Variants in SFMBT2 observed in about 807,000 individuals in gnomAD.
SFMBT2 encodes Scm like with four mbt domains 2.
SFMBT2 carries 38 observed loss-of-function variants against 110.1 expected under a neutral mutation model. The ratio of observed to expected loss-of-function variants is 0.35; its 90% CI spans 0.27 to 0.45. SFMBT2 has a LOEUF of 0.45. Ranked by LOEUF, SFMBT2 falls within the 20% of genes least tolerant of loss-of-function variation. The pLI is 1.00. For synonymous variants in SFMBT2, 425 were observed against 425.4 expected, an observed-to-expected ratio of 1.00 and a Z score of 0.01; for missense variants, 1,011 against 1,094.9, an observed-to-expected ratio of 0.92 and a Z score of 1.08.
chr10:7,405,225 T>A (rs190087663), intron 1 of SFMBT2, among the ~76,000 whole-genome samples: 1 of 152,320 alleles, frequency 6.6e-6, no homozygotes, highest in East Asian at 1.9e-4. Flanking sequence ...CATGGACCCA[T>A]GAGGTCCAAG....
At chr10:7,268,908 C>G (rs1841481084) in intron 7 of SFMBT2, among the ~76,000 whole-genome samples, 1 of 152,188 alleles carries the variant, frequency 6.6e-6, no homozygotes, top group Admixed American at 6.5e-5. Context: ...GATGCAGAGA[C>G]ATCTGCTCTA....
intron 15 of SFMBT2, among the ~76,000 whole-genome samples, chr10:7,195,674 C>T (rs1001512217): frequency 6.6e-6 from 1 of 152,160 alleles, no homozygotes; most frequent in African/African-American, 2.4e-5. Context: ...ACCCCAGATG[C>T]CCCAGCCTTG....
At chr10:7,385,567 G>A (rs952666372) in intron 1 of SFMBT2, among the ~76,000 whole-genome samples, 3 of 152,118 alleles carry the variant, frequency 2.0e-5, no homozygotes, top group Non-Finnish European at 4.4e-5. Flanking sequence ...GGCATATGAC[G>A]GAGCCCCAAA....
intron 10 of SFMBT2, among the ~76,000 whole-genome samples, chr10:7,223,230 A>G (rs1437818954): frequency 6.6e-6 from 1 of 152,234 alleles, no homozygotes; most frequent in Non-Finnish European, 1.5e-5. Context: ...AAGTTGCTAC[A>G]GCATTTTGCA....
At position 7,172,300 on chromosome 10, in the gene SFMBT2, G is replaced by A. The variant is rs184949625; in HGVS notation, c.2152-142C>T. The A allele has an allele frequency of 9.6e-6, 14 of 1,452,892 alleles. No individual in the cohort carries two copies. Among genetic ancestry groups the A allele is most frequent in the East Asian group, 4.9e-5 (2 of 40,598 alleles). The allele number at this position is 1,452,892 out of a possible 1,614,324, so 90.0% of individuals were successfully genotyped here. ...CAGTGGTCCCACCCGTGGGCCCTAC[G>A]AGGCCCTTCCCAGCCAAAGCAGCTG... On this transcript the variant is annotated intron_variant, in intron 18 of 20. Transcript: ENST00000397167. The surrounding 1 kb of genome is among the most constrained non-coding windows in gnomAD (Gnocchi z 4.6).
At chr10:7,282,051 G>T (rs1026472835) in intron 6 of SFMBT2, among the ~76,000 whole-genome samples, 16 of 151,896 alleles carry the variant, frequency 1.1e-4, no homozygotes, top group Non-Finnish European at 2.1e-4. Flanking sequence ...TCACCATATT[G>T]CCCCAGCTGG....
chr10:7,347,275 T>C (rs961404575), intron 4 of SFMBT2, among the ~76,000 whole-genome samples: 20 of 152,216 alleles, frequency 1.3e-4, no homozygotes, highest in African/African-American at 4.6e-4. Context: ...TCTTTCTTGC[T>C]GGGCAACCTG....
chr10:7,178,307 C>G (rs952514183), intron 16 of SFMBT2, among the ~76,000 whole-genome samples: 43 of 152,278 alleles, frequency 2.8e-4, no homozygotes, highest in African/African-American at 7.7e-4. Flanking sequence ...GAGGAAACAC[C>G]AATCTAGATG....
At position 7,293,266 on chromosome 10, in the gene SFMBT2, T is replaced by C. The variant is rs1361796301; in HGVS notation, c.437-7312A>G. Among the ~76,000 whole-genome samples the C allele has an allele frequency of 6.6e-6, 1 of 152,048 alleles. No homozygotes were observed. Among genetic ancestry groups the C allele is most frequent in the Non-Finnish European group, 1.5e-5 (1 of 68,004 alleles). ...GGCACGCCCTACCACATCCAGCTAATTTTTGTATTTTTAGAAGACACCGGG... is the reference window on the plus strand; with the variant it reads ...GGCACGCCCTACCACATCCAGCTAACTTTTGTATTTTTAGAAGACACCGGG... On this transcript the variant is annotated intron_variant, in intron 4 of 20. Transcript: ENST00000397167. This position sits in a 1 kb window ranked among gnomAD's most constrained non-coding sequence, Gnocchi z 4.6.
chr10:7,182,213 T>G (rs1838264508), intron 16 of SFMBT2, among the ~76,000 whole-genome samples: 1 of 152,146 alleles, frequency 6.6e-6, no homozygotes, highest in African/African-American at 2.4e-5. Flanking sequence ...AATTTTTGTA[T>G]TTTTAGTAGA....
chr10:7,269,827 CT>C (rs5782963), intron 7 of SFMBT2, among the ~76,000 whole-genome samples: 91,109 of 136,352 alleles, frequency 0.67, 28,596 homozygotes, highest in East Asian at 0.84. Flanking sequence ...GAAGATTTCT[CT>C]TTTTTTTTTT....
chr10:7,359,789 T>C (rs530627327), intron 4 of SFMBT2, among the ~76,000 whole-genome samples: 64 of 152,364 alleles, frequency 4.2e-4, no homozygotes, highest in Middle Eastern at 3.4e-3. Flanking sequence ...CTCTTAAAAA[T>C]CACCAAGAAA....
intron 4 of SFMBT2, among the ~76,000 whole-genome samples, chr10:7,364,691 G>T (rs1844834781): frequency 6.6e-6 from 1 of 152,200 alleles, no homozygotes; most frequent in Non-Finnish European, 1.5e-5. Context: ...GAATGTGATG[G>T]TAAAACCGTC....
intron 5 of SFMBT2, 178 bp from the exon 6 acceptor site, chr10:7,284,328 C>G: frequency 1.4e-6 from 2 of 1,420,200 alleles, no homozygotes; most frequent in East Asian, 5.1e-5. Flanking sequence ...CCTTTCCTCC[C>G]TCCCACACAT....
At chr10:7,232,562 T>A (rs1202062834) in intron 9 of SFMBT2, among the ~76,000 whole-genome samples, 1 of 152,200 alleles carries the variant, frequency 6.6e-6, no homozygotes, top group Non-Finnish European at 1.5e-5. Flanking sequence ...ATAACTGCTA[T>A]GGCTTTAGAT....
intron 16 of SFMBT2, among the ~76,000 whole-genome samples, chr10:7,180,625 C>T (rs757316906): frequency 2.0e-5 from 3 of 152,154 alleles, no homozygotes; most frequent in Non-Finnish European, 2.9e-5. Flanking sequence ...TCTGTCTTCT[C>T]AATCCCACTG....
chr10:7,175,926 A>G, intron 17 of SFMBT2, 64 bp downstream of exon 17: 1 of 1,457,598 alleles, frequency 6.9e-7, no homozygotes, highest in Admixed American at 2.2e-5. Flanking sequence ...CAAAAACCAA[A>G]TACCTTAGAG....
At chr10:7,249,127 A>G in intron 7 of SFMBT2, 1 of 947,804 alleles carries the variant, frequency 1.1e-6, no homozygotes, top group Non-Finnish European at 1.3e-6. Context: ...AAGCTGGCAC[A>G]CAGCTCACCG....
intron 4 of SFMBT2, among the ~76,000 whole-genome samples, chr10:7,364,062 T>C (rs764578562): frequency 6.6e-6 from 1 of 152,132 alleles, no homozygotes; most frequent in African/African-American, 2.4e-5. Flanking sequence ...GTTTAAAAAA[T>C]AGATTCTACT....
Sources: gnomAD v4.1 joint callset for allele counts (sites outside exome capture counted in the v4.1 genomes callset) on GRCh38, gnomAD v4.1.1 for gene constraint, Gnocchi (gnomAD v3.1) non-coding constraint, MANE v1.5 for transcripts, NCBI Gene and HGNC (gene_info 2026-07-23, HGNC 2026-07-21) for gene names.